Variants in PDE8A observed in about 807,000 individuals in gnomAD.
PDE8A encodes high affinity cAMP-specific and IBMX-insensitive 3',5'-cyclic phosphodiesterase 8A.
Under a neutral mutation model 105.0 loss-of-function variants are expected in PDE8A, and 59 were observed. That is an observed-to-expected ratio of 0.56 (90% CI 0.46 to 0.70). The LOEUF is 0.70. PDE8A is among the 30% of genes least tolerant of loss of function. The probability of loss-of-function intolerance (pLI) is 0.00; values close to 1 mark genes in which losing one functional copy is unlikely to be tolerated. For missense variants in PDE8A, 1,014 were observed against 1,045.9 expected (o/e 0.97, Z 0.42); for synonymous variants, 355 against 371.9 (o/e 0.95, Z 0.52).
intron 1 of PDE8A, among the ~76,000 whole-genome samples, chr15:85,053,663 A>G (rs2081011903): frequency 6.6e-6 from 1 of 152,186 alleles, no homozygotes; most frequent in Non-Finnish European, 1.5e-5. Flanking sequence ...TTGCACATTG[A>G]TTTTGTATCC....
chr15:85,111,819 T>C (rs182061837), intron 12 of PDE8A, among the ~76,000 whole-genome samples: 1 of 152,332 alleles, frequency 6.6e-6, no homozygotes, highest in Admixed American at 6.5e-5. Flanking sequence ...ATGAACATGC[T>C]ATGTCTCCAT....
At chr15:84,980,651 C>T (rs550163099), upstream of PDE8A, 73 of 152,500 alleles carry the variant, frequency 4.8e-4, no homozygotes, top group South Asian at 0.012. Context: ...ACACCGCCCT[C>T]CAGCTGGTGG....
intron 12 of PDE8A, among the ~76,000 whole-genome samples, chr15:85,110,961 G>A (rs1165774843): frequency 1.3e-5 from 2 of 152,180 alleles, no homozygotes; most frequent in African/African-American, 4.8e-5. Context: ...AGCCACTCCA[G>A]TGGTTTTAAT....
intron 1 of PDE8A, among the ~76,000 whole-genome samples, chr15:85,033,443 G>C (rs554597147): frequency 6.6e-6 from 1 of 152,068 alleles, no homozygotes; most frequent in Non-Finnish European, 1.5e-5. Context: ...TGGTTGATGG[G>C]GGAGAGAGGC....
rs539055502 is a variant in PDE8A, at chr15:85,133,601, C to T, written c.2254-2933C>T. On this transcript the variant is annotated intron_variant, in intron 20 of 21. Transcript: ENST00000394553. ...GACTTTTGACTGTTTTCCAGAGTTC[C>T]TGTAAGGTTATTTTAGCCAGTCTCT... 5.9e-5 allele frequency among the ~76,000 whole-genome samples: 9 copies of T among 152,226 alleles called. No homozygotes were observed. In the East Asian group the frequency reaches 1.7e-3, roughly 29 times the overall value.
At chr15:85,013,180 A>G (rs2080269288) in intron 1 of PDE8A, among the ~76,000 whole-genome samples, 1 of 152,230 alleles carries the variant, frequency 6.6e-6, no homozygotes, top group Non-Finnish European at 1.5e-5. Context: ...GGTAGTATTT[A>G]CATACAAAAT....
At chr15:85,050,466 C>A (rs2080955851) in intron 1 of PDE8A, among the ~76,000 whole-genome samples, 2 of 152,114 alleles carry the variant, frequency 1.3e-5, no homozygotes, top group South Asian at 2.1e-4. Context: ...TTTAGGTCTT[C>A]AATCCATTTT....
At chr15:85,073,378 A>G (rs1175716395) in intron 3 of PDE8A, among the ~76,000 whole-genome samples, 4 of 152,206 alleles carry the variant, frequency 2.6e-5, no homozygotes, top group African/African-American at 9.7e-5. Context: ...AAAAGGTCCC[A>G]GTATGTCTCT....
intron 1 of PDE8A, among the ~76,000 whole-genome samples, chr15:85,051,806 C>T (rs1440274898): frequency 6.6e-6 from 1 of 152,070 alleles, no homozygotes; most frequent in African/African-American, 2.4e-5. Context: ...CTTTTTATGG[C>T]TGCACATACA....
At chr15:85,019,943 G>GTTTTTTTTT (rs201634002) in intron 1 of PDE8A, among the ~76,000 whole-genome samples, 10 of 64,768 alleles carry the variant, frequency 1.5e-4, no homozygotes, top group East Asian at 5.8e-4. Context: ...TTTTTTTTTG[G>GTTTTTTTTT]TTTTTTTTTT....
In PDE8A at chr15:85,109,087, A is replaced by G; in HGVS notation, c.1071A>G (p.Lys357=). The change falls in exon 12 of 22, where the codon AAA becomes AAG. Residue 357 remains lysine (K), a synonymous_variant. Coordinates refer to ENST00000394553, the MANE Select transcript of PDE8A (RefSeq NM_002605.3). ...NQTGKHKDRR[K]GSLDVKAVAS... ...CAGGCAAACATAAAGACAGGAGAAA[A>G]GGCTCACTAGACGTCAAAGCTGTTG... 1.2e-6 allele frequency: 2 copies of G among 1,611,138 alleles called. No individual in the cohort carries two copies. The highest frequency in any genetic ancestry group is 1.7e-6 in the Non-Finnish European group (2 of 1,177,766).
intron 1 of PDE8A, among the ~76,000 whole-genome samples, chr15:85,055,263 G>A (rs985287850): frequency 2.0e-5 from 3 of 152,192 alleles, no homozygotes; most frequent in South Asian, 2.1e-4. Flanking sequence ...GTGTGATGTG[G>A]TGGTGAGAAG....
At chr15:84,996,999 G>A (rs2142167288) in intron 1 of PDE8A, among the ~76,000 whole-genome samples, 1 of 152,058 alleles carries the variant, frequency 6.6e-6, no homozygotes, top group South Asian at 2.1e-4. Flanking sequence ...TGTACACTTA[G>A]GCTACACTAA....
chr15:85,136,779 A>G (rs2082417703), intron 21 of PDE8A, 116 bp downstream of exon 21: 4 of 1,040,912 alleles, frequency 3.8e-6, no homozygotes, highest in Non-Finnish European at 5.5e-6. Context: ...TTTCAAGAAC[A>G]AGAGCGAAGT....
intron 1 of PDE8A, among the ~76,000 whole-genome samples, chr15:85,005,123 CT>C (rs879729813): frequency 2.8e-4 from 42 of 151,636 alleles, no homozygotes; most frequent in African/African-American, 9.0e-4. Flanking sequence ...TACTATAGGA[CT>C]TTTTTTTGTT....
chr15:85,013,285 G>C (rs2080270900), intron 1 of PDE8A, among the ~76,000 whole-genome samples: 1 of 152,186 alleles, frequency 6.6e-6, no homozygotes, highest in Admixed American at 6.5e-5. Context: ...AAAGAACAGA[G>C]ACTTCCTATA....
At chr15:85,020,279 TC>T (rs1213998500) in intron 1 of PDE8A, among the ~76,000 whole-genome samples, 1 of 152,176 alleles carries the variant, frequency 6.6e-6, no homozygotes, top group Non-Finnish European at 1.5e-5. Flanking sequence ...GGCGAGTTTT[TC>T]CTCATACTTC....
rs2081789322 is a variant in PDE8A at position 85,098,052 on chromosome 15, A to C, written c.941+16A>C. ...GACAGGGAGGGTAAGTGGAAAAAACAAGTACATCAATCAACATACAGTGTT... is the reference window on the plus strand; with the variant it reads ...GACAGGGAGGGTAAGTGGAAAAAACCAGTACATCAATCAACATACAGTGTT... On this transcript the variant is annotated intron_variant, in intron 9 of 21. Transcript: ENST00000394553. The C allele has an allele frequency of 7.2e-7, 1 of 1,382,928 alleles. No individual in the cohort carries two copies. The highest frequency in any genetic ancestry group is 1.7e-5 in the Admixed American group (1 of 58,900). 85.7% of individuals were successfully genotyped at this position (1,382,928 alleles called of 1,614,324 possible).
chr15:85,098,407 C>T (rs1336108256), intron 9 of PDE8A, among the ~76,000 whole-genome samples: 2 of 152,042 alleles, frequency 1.3e-5, no homozygotes, highest in African/African-American at 2.4e-5. Flanking sequence ...CTGCAGAGAC[C>T]TATCAAATTA....
Sources: allele counts gnomAD v4.1 joint callset (sites outside exome capture counted in the v4.1 genomes callset), GRCh38; gene constraint gnomAD v4.1.1; transcripts MANE v1.5; gene names NCBI Gene and HGNC (gene_info 2026-07-23, HGNC 2026-07-21).